The following POFUT2 variants were observed in gnomAD, a reference collection of about 807,000 sequenced individuals.
POFUT2 encodes protein O-fucosyltransferase 2.
A neutral mutation model predicts 55.0 loss-of-function variants in POFUT2; 30 were observed. That is an observed-to-expected ratio of 0.55 (90% CI 0.41 to 0.74). POFUT2 has a LOEUF of 0.74. POFUT2 is among the 30% of genes least tolerant of loss of function. The probability of loss-of-function intolerance (pLI) is 0.00; values close to 1 mark genes in which losing one functional copy is unlikely to be tolerated. For missense variants in POFUT2, 524 were observed against 562.6 expected (o/e 0.93, Z 0.69); for synonymous variants, 267 against 231.1 (o/e 1.16, Z -1.41).
chr21:45,268,992 A>G (rs547829712), intron 7 of POFUT2, among the ~76,000 whole-genome samples: 2,884 of 65,248 alleles, frequency 0.044, 211 homozygotes, highest in African/African-American at 0.073. Flanking sequence ...ACTGGGAAGC[A>G]AAGAGCCCCT....
chr21:45,282,803 C>A lies in POFUT2; in HGVS notation c.528-344G>T. ...CAACCGCGCCCTTCCCAAGAGCTCACCTGCCATGCTTTAGAGCCAGCTGCC... is the reference window on the plus strand; with the variant it reads ...CAACCGCGCCCTTCCCAAGAGCTCAACTGCCATGCTTTAGAGCCAGCTGCC... On this transcript the variant is annotated intron_variant, in intron 3 of 8. Transcript: ENST00000349485. The surrounding 1 kb of genome is among the most constrained non-coding windows in gnomAD (Gnocchi z 4.6). 2.0e-6 allele frequency: 1 copy of A among 495,648 alleles called. No homozygotes were observed. The highest frequency in any genetic ancestry group is 4.1e-6 in the Non-Finnish European group (1 of 244,266). 30.7% of individuals were successfully genotyped at this position (495,648 alleles called of 1,614,324 possible).
In POFUT2 at chr21:45,285,893, A is replaced by T; in HGVS notation, c.167T>A (p.Phe56Tyr). Reference protein sequence around the residue: ...LLYDVNPPEGFNLRRDVYIRI... With the variant: ...LLYDVNPPEGYNLRRDVYIRI... ...GATATAGACATCCCTGCGCAGGTTG[A>T]AGCCTTCCGGGGGGTTGACGTCATA... The change falls in exon 2 of 9, where the codon TTC becomes TAC. Residue 56 changes from phenylalanine (F) to tyrosine (Y), a missense_variant. Physicochemically the swap from Phe to Tyr is conservative, Grantham distance 22. Coordinates refer to ENST00000349485, the MANE Select transcript of POFUT2 (RefSeq NM_133635.6). This position sits in a 1 kb window ranked among gnomAD's most constrained non-coding sequence, Gnocchi z 4.9. 1 of 1,612,140 alleles carries T rather than the reference A, an allele frequency of 6.2e-7. No homozygotes were observed. The highest frequency in any genetic ancestry group is 8.5e-7 in the Non-Finnish European group (1 of 1,179,500).
chr21:45,287,726 T>C lies in POFUT2; in HGVS notation c.131+15A>G. On this transcript the variant is annotated intron_variant, in intron 1 of 8. Transcript: ENST00000349485. ...TCCTGGAACCCCAGCGTTGGCACCG[T>C]GGACGCGCGTTTACCGTCTGCGGGA... 1 of 1,304,290 alleles carries C rather than the reference T, an allele frequency of 7.7e-7. No individual in the cohort carries two copies. The highest frequency in any genetic ancestry group is 9.9e-7 in the Non-Finnish European group (1 of 1,006,818). 80.8% of individuals were successfully genotyped at this position (1,304,290 alleles called of 1,614,324 possible).
At position 45,278,111 on chromosome 21, in the gene POFUT2, A is replaced by G; in HGVS notation, c.697T>C (p.Tyr233His). ...LLHDHYGGKE[Y>H]WDTRRSMVFA... The stretch of plus-strand genomic sequence containing the variant: ...CCCGAGGAAACACTCACATCCCAGT[A>G]TTCTTTCCCTCCATAGTGGTCGTGA... Residue 233 changes from tyrosine (Y) to histidine (H), a missense_variant, in exon 5 of 9, where the codon TAC becomes CAC. Tyr to His is a moderately conservative substitution (Grantham distance 83, BLOSUM62 2). This residue lies in a region of POFUT2 where 250 missense variants were observed against 318.2 expected (regional missense o/e 0.79). Coordinates refer to ENST00000349485, the MANE Select transcript of POFUT2 (RefSeq NM_133635.6). 2.5e-6 allele frequency: 4 copies of G among 1,613,234 alleles called. No individual in the cohort carries two copies. The highest frequency in any genetic ancestry group is 2.5e-6 in the Non-Finnish European group (3 of 1,179,138).
At position 45,270,910 on chromosome 21, in the gene POFUT2, A is replaced by G. The variant is rs1226963928; in HGVS notation, c.832-891T>C. On this transcript the variant is annotated intron_variant, in intron 6 of 8. Coordinates refer to ENST00000349485, the MANE Select transcript of POFUT2 (RefSeq NM_133635.6). The surrounding 1 kb of genome is among the most constrained non-coding windows in gnomAD (Gnocchi z 4.6). Reference sequence around the variant, plus strand: ...ATCTGAACAGTAGCCCGTGAGTTCCAGATCTTTCCACTGAAGTAGTCTGCC... The same window carrying G: ...ATCTGAACAGTAGCCCGTGAGTTCCGGATCTTTCCACTGAAGTAGTCTGCC... Among the ~76,000 whole-genome samples the G allele has an allele frequency of 1.3e-5, 2 of 152,248 alleles. No homozygotes were observed. Among genetic ancestry groups the G allele is most frequent in the Non-Finnish European group, 2.9e-5 (2 of 68,048 alleles).
chr21:45,265,260 A>C lies in POFUT2; in HGVS notation c.*222T>G. 2.5e-6 allele frequency: 1 copy of C among 398,138 alleles called. No individual in the cohort carries two copies. Among genetic ancestry groups the C allele is most frequent in the Admixed American group, 4.3e-5 (1 of 23,498 alleles). The allele number at this position is 398,138 out of a possible 1,614,324, so 24.7% of individuals were successfully genotyped here. A position where few individuals can be genotyped will look rare whatever the true frequency, so the allele number is the denominator to read the frequency against. ...CAGACGCTGCCTGAAAACAACCGCC[A>C]CCCCCGAGAGCAGCGGAGCCTCTTC... On this transcript the variant is annotated 3_prime_UTR_variant, in exon 9 of 9. Coordinates refer to ENST00000349485, the MANE Select transcript of POFUT2 (RefSeq NM_133635.6). This position sits in a 1 kb window ranked among gnomAD's most constrained non-coding sequence, Gnocchi z 4.6.
intron 7 of POFUT2, among the ~76,000 whole-genome samples, chr21:45,269,103 G>A (rs1248084697): frequency 4.6e-4 from 64 of 140,278 alleles, no homozygotes; most frequent in African/African-American, 1.4e-3. Context: ...CTGCCCGGCC[G>A]CCCCTACTGG....
rs535771055 is a variant in POFUT2, at chr21:45,266,739, T to C, written c.1136+851A>G. The C allele has an allele frequency of 3.4e-5, 34 of 997,928 alleles. No individual in the cohort carries two copies. In the East Asian group the frequency reaches 3.7e-3, roughly 108 times the overall value. 61.8% of individuals were successfully genotyped at this position (997,928 alleles called of 1,614,324 possible). A position where few individuals can be genotyped will look rare whatever the true frequency, so the allele number is the denominator to read the frequency against. ...CCAGAACACCACAGGAAATAGCAGA[T>C]GTGTGAAGAGGCACCGGCTCAGGGC... On this transcript the variant is annotated intron_variant, in intron 8 of 8. Coordinates refer to ENST00000349485, the MANE Select transcript of POFUT2 (RefSeq NM_133635.6).
intron 8 of POFUT2, chr21:45,266,637 G>C: frequency 9.9e-7 from 1 of 1,005,962 alleles, no homozygotes; most frequent in African/African-American, 1.7e-5. Flanking sequence ...GCTGCATCCT[G>C]TCTGCTTAAC....
chr21:45,281,092 T>G lies in POFUT2; in HGVS notation c.638+1257A>C, dbSNP rs977436597. On this transcript the variant is annotated intron_variant, in intron 4 of 8. Transcript: ENST00000349485. This position sits in a 1 kb window ranked among gnomAD's most constrained non-coding sequence, Gnocchi z 5.0. Reference sequence around the variant, plus strand: ...TAGGGCTTTAACCCCCGGAAGAGACTTTCCCTGGGTGCTGGGGGCAGATGA... The same window carrying G: ...TAGGGCTTTAACCCCCGGAAGAGACGTTCCCTGGGTGCTGGGGGCAGATGA... Among the ~76,000 whole-genome samples, 8 of 152,188 alleles carry G rather than the reference T, an allele frequency of 5.3e-5. No homozygotes were observed. The highest frequency in any genetic ancestry group is 7.3e-5 in the Non-Finnish European group (5 of 68,030).
In POFUT2 at chr21:45,267,720, A is replaced by T; in HGVS notation, c.1013-7T>A. 1.2e-6 allele frequency: 2 copies of T among 1,613,082 alleles called. No individual in the cohort carries two copies. The highest frequency in any genetic ancestry group is 1.7e-6 in the Non-Finnish European group (2 of 1,179,238). Reference sequence around the variant, plus strand: ...TTTTTTAGCTCTTCATATTCTGCAAAGTAGAAGGAGAGACCCTTTGAACCG... The same window carrying T: ...TTTTTTAGCTCTTCATATTCTGCAATGTAGAAGGAGAGACCCTTTGAACCG... On this transcript the variant is annotated splice_polypyrimidine_tract_variant and splice_region_variant and intron_variant, in intron 7 of 8. Coordinates refer to ENST00000349485, the MANE Select transcript of POFUT2 (RefSeq NM_133635.6). The surrounding 1 kb of genome is among the most constrained non-coding windows in gnomAD (Gnocchi z 4.4).
At chr21:45,286,794 C>T (rs546085509) in intron 1 of POFUT2, among the ~76,000 whole-genome samples, 1 of 152,158 alleles carries the variant, frequency 6.6e-6, no homozygotes, top group South Asian at 2.1e-4. Flanking sequence ...AGTGAAGCTG[C>T]GTGCAGCGCC....
chr21:45,277,003 G>A lies in POFUT2; in HGVS notation c.831+14C>T. 6.2e-7 allele frequency: 1 copy of A among 1,613,476 alleles called. No homozygotes were observed. Among genetic ancestry groups the A allele is most frequent in the Non-Finnish European group, 8.5e-7 (1 of 1,179,636 alleles). On this transcript the variant is annotated intron_variant, in intron 6 of 8. Coordinates refer to ENST00000349485, the MANE Select transcript of POFUT2 (RefSeq NM_133635.6). This position sits in a 1 kb window ranked among gnomAD's most constrained non-coding sequence, Gnocchi z 6.9. Reference sequence around the variant, plus strand: ...TTTACCTTTTCTCTAATTAACAAAAGGGAGGGGGGCTACCTTCATCTTCAT... The same window carrying A: ...TTTACCTTTTCTCTAATTAACAAAAAGGAGGGGGGCTACCTTCATCTTCAT...
chr21:45,283,236 G>C (rs1165075522), intron 3 of POFUT2, 147 bp downstream of exon 3: 3 of 445,078 alleles, frequency 6.7e-6, no homozygotes, highest in Non-Finnish European at 4.1e-6. Flanking sequence ...GTGGCGGGGG[G>C]AGGCGGGGTG....
Position 45,277,087 on chromosome 21 carries a change from CT to C in POFUT2, c.760del (p.Arg254GlyfsTer21). 1 of 1,614,126 alleles carries C rather than the reference CT, an allele frequency of 6.2e-7. No homozygotes were observed. Among genetic ancestry groups the C allele is most frequent in the Non-Finnish European group, 8.5e-7 (1 of 1,179,998 alleles). On this transcript the variant is annotated frameshift_variant, in exon 6 of 9. Coordinates refer to ENST00000349485, the MANE Select transcript of POFUT2 (RefSeq NM_133635.6). LOFTEE classifies it high-confidence loss of function. The surrounding 1 kb of genome is among the most constrained non-coding windows in gnomAD (Gnocchi z 6.9). The stretch of plus-strand genomic sequence containing the variant: ...GTCCGTGGAGTTGAGATGTCTGCTC[CT>C]GAACTCGTCTCCCACCTCCCGCAGG... ...RHLREVGDEF[R>X]SRHLNSTDDA...
In POFUT2 at chr21:45,284,030, G is replaced by A. The variant is rs1039403612; in HGVS notation, c.383-503C>T. On this transcript the variant is annotated intron_variant, in intron 2 of 8. Transcript: ENST00000349485. The surrounding 1 kb of genome is among the most constrained non-coding windows in gnomAD (Gnocchi z 5.8). ...AGCAGGAGTCGTGCCTCTTACCCAC[G>A]GCCCGACCCGCACCAAGAAGGTGGC... 5.9e-5 allele frequency among the ~76,000 whole-genome samples: 9 copies of A among 152,180 alleles called. 1 individual carries two copies. The highest frequency in any genetic ancestry group is 2.0e-4 in the Admixed American group (3 of 15,284).
rs1181700657 is a variant in POFUT2 at position 45,281,707 on chromosome 21, G to A, written c.638+642C>T. ...CTGCTATGCCTGGTCTATGGGAGAC[G>A]CTCACAGTGCCTGCTGGGGGATTCA... On this transcript the variant is annotated intron_variant, in intron 4 of 8. Transcript: ENST00000349485. The surrounding 1 kb of genome is among the most constrained non-coding windows in gnomAD (Gnocchi z 5.0). 1.3e-5 allele frequency among the ~76,000 whole-genome samples: 2 copies of A among 151,912 alleles called. No homozygotes were observed. The highest frequency in any genetic ancestry group is 2.9e-5 in the Non-Finnish European group (2 of 67,998).
At chr21:45,283,678 AG>A (rs1259912756) in intron 2 of POFUT2, 151 bp from the exon 3 acceptor site, 9 of 795,262 alleles carry the variant, frequency 1.1e-5, no homozygotes, top group Non-Finnish European at 1.8e-5. Context: ...GAGACAGGGC[AG>A]AGCACATGCC....
rs1374596839 is a variant in POFUT2 at position 45,267,293 on chromosome 21, G to A, written c.1136+297C>T. On this transcript the variant is annotated intron_variant, in intron 8 of 8. Coordinates refer to ENST00000349485, the MANE Select transcript of POFUT2 (RefSeq NM_133635.6). This position sits in a 1 kb window ranked among gnomAD's most constrained non-coding sequence, Gnocchi z 4.4. ...CAGGGGGCAGACAGGGGCAGAAACC[G>A]GGAATGATGGGAAAATGCGACACAA... The A allele has an allele frequency of 2.2e-5, 32 of 1,454,110 alleles. No individual in the cohort carries two copies. Among genetic ancestry groups the A allele is most frequent in the African/African-American group, 7.1e-5 (5 of 70,466 alleles). 90.1% of individuals were successfully genotyped at this position (1,454,110 alleles called of 1,614,324 possible). A position where few individuals can be genotyped will look rare whatever the true frequency, so the allele number is the denominator to read the frequency against.
Sources: gnomAD v4.1 joint callset for allele counts (sites outside exome capture counted in the v4.1 genomes callset) on GRCh38, gnomAD v4.1.1 for gene constraint, gnomAD v4.1.1 regional missense constraint, Gnocchi (gnomAD v3.1) non-coding constraint, MANE v1.5 for transcripts, NCBI Gene and HGNC (gene_info 2026-07-23, HGNC 2026-07-21) for gene names.